Variants in POLD3 observed in about 807,000 individuals in gnomAD.
POLD3 encodes the protein DNA polymerase delta subunit 3.
POLD3 carries 19 observed loss-of-function variants against 58.2 expected under a neutral mutation model. The observed-to-expected ratio is 0.33, with a 90% CI of 0.23 to 0.48. The LOEUF is 0.48. Ranked by LOEUF, POLD3 falls within the 20% of genes least tolerant of loss-of-function variation. The pLI, the probability that POLD3 is intolerant of heterozygous loss-of-function variation, is 0.99. For missense variants in POLD3, 504 were observed against 545.5 expected (o/e 0.92, Z 0.76); for synonymous variants, 172 against 193.5 (o/e 0.89, Z 0.92).
At chr11:74,637,405 TTGAA>T (rs947516502) in intron 11 of POLD3, among the ~76,000 whole-genome samples, 3 of 149,944 alleles carry the variant, frequency 2.0e-5, no homozygotes, top group Non-Finnish European at 4.4e-5. Flanking sequence ...ATTCTGGACT[TTGAA>T]TGGGTTTTTT....
chr11:74,666,288 C>G (rs1432215375), intron 4 of POLD3, among the ~76,000 whole-genome samples: 1 of 152,162 alleles, frequency 6.6e-6, no homozygotes. Flanking sequence ...GATGCCTTTC[C>G]CATCTTGTTT....
At chr11:74,623,395 A>G (rs2032326861) in intron 7 of POLD3, among the ~76,000 whole-genome samples, 1 of 152,206 alleles carries the variant, frequency 6.6e-6, no homozygotes, top group Non-Finnish European at 1.5e-5. Context: ...AGATCACGCC[A>G]CCGCGCTCCA....
intron 8 of POLD3, among the ~76,000 whole-genome samples, chr11:74,626,315 G>A (rs541033304): frequency 6.6e-6 from 1 of 152,182 alleles, no homozygotes; most frequent in East Asian, 1.9e-4. Context: ...ACTCACTGTT[G>A]ATACTTATTG....
At chr11:74,613,517 G>C (rs1362981724) in intron 5 of POLD3, among the ~76,000 whole-genome samples, 1 of 152,030 alleles carries the variant, frequency 6.6e-6, no homozygotes, top group Non-Finnish European at 1.5e-5. Flanking sequence ...GTGGTCACAG[G>C]CTTGATTTGT....
intron 5 of POLD3, among the ~76,000 whole-genome samples, chr11:74,617,851 CAG>C (rs2135147437): frequency 6.6e-6 from 1 of 152,228 alleles, no homozygotes; most frequent in South Asian, 2.1e-4. Context: ...CCTGAGTAAT[CAG>C]GGCTATAGGC....
intron 4 of POLD3, among the ~76,000 whole-genome samples, chr11:74,649,686 A>G (rs769002965): frequency 2.0e-5 from 3 of 152,082 alleles, no homozygotes; most frequent in Non-Finnish European, 4.4e-5. Context: ...CAGCCTGTAC[A>G]CTTTAGAAGC....
chr11:74,592,694 G>A lies in POLD3; in HGVS notation c.36G>A (p.Glu12=). 6.2e-7 allele frequency: 1 copy of A among 1,614,072 alleles called. No individual in the cohort carries two copies. Residue 12 remains glutamate, a synonymous_variant, in exon 1 of 12, where the codon GAG becomes GAA. Transcript: ENST00000263681. ...AGCTTTATCTGGAAAATATAGACGA[G>A]TTCGTCACGGACCAAAACAAGATCG... ...ADQLYLENID[E]FVTDQNKIVT... is the part of the protein sequence containing the mutation.
Position 74,641,592 on chromosome 11 carries a change from C to G in POLD3, c.*826C>G. 1 of 985,402 alleles carries G rather than the reference C, an allele frequency of 1.0e-6. No individual in the cohort carries two copies. Among genetic ancestry groups the G allele is most frequent in the Non-Finnish European group, 1.2e-6 (1 of 829,934 alleles). The allele number at this position is 985,402 out of a possible 1,614,324, so 61.0% of individuals were successfully genotyped here. A position where few individuals can be genotyped will look rare whatever the true frequency, so the allele number is the denominator to read the frequency against. ...CTCTTTGCGGTTTGTTGATCCCCTC[C>G]TCCCCCACTCTCAATACCTAGAGAG... On this transcript the variant is annotated 3_prime_UTR_variant, in exon 12 of 12. Coordinates refer to ENST00000263681, the MANE Select transcript of POLD3 (RefSeq NM_006591.3).
intron 5 of POLD3, among the ~76,000 whole-genome samples, chr11:74,613,900 A>G (rs879322712): frequency 1.3e-5 from 2 of 152,164 alleles, no homozygotes; most frequent in Admixed American, 1.3e-4. Flanking sequence ...TTTTGGATGG[A>G]TAGAGTGAGG....
downstream of POLD3, among the ~76,000 whole-genome samples, chr11:74,645,969 C>T (rs947975153): frequency 7.3e-5 from 11 of 151,084 alleles, 1 homozygote; most frequent in Admixed American, 2.0e-4. Flanking sequence ...GACAGAGTCT[C>T]GCTCTGTCAC....
chr11:74,604,027 T>C (rs1003898984), intron 2 of POLD3, among the ~76,000 whole-genome samples: 8 of 152,202 alleles, frequency 5.3e-5, no homozygotes, highest in African/African-American at 9.7e-5. Context: ...TACTGGGCAA[T>C]GTGAGTAAGC....
intron 7 of POLD3, among the ~76,000 whole-genome samples, chr11:74,621,589 T>C (rs868773743): frequency 6.6e-6 from 1 of 152,112 alleles, no homozygotes; most frequent in Admixed American, 6.5e-5. Context: ...AAATCATGTG[T>C]TTAGTTAGCA....
At chr11:74,594,002 ACTGATGTGCACTCTGGAGT>A (rs2135106832) in intron 1 of POLD3, 40 bp from the exon 2 acceptor site, 1 of 857,042 alleles carries the variant, frequency 1.2e-6, no homozygotes, top group South Asian at 1.4e-5. Flanking sequence ...GACCTTCGGG[ACTGATGTGCACTCTGGAGT>A]CATCTAATAA....
chr11:74,663,463 T>G (rs2033229314), intron 4 of POLD3, among the ~76,000 whole-genome samples: 1 of 152,224 alleles, frequency 6.6e-6, no homozygotes, highest in African/African-American at 2.4e-5. Context: ...ACATTTGATT[T>G]CTAGACTTAC....
intron 7 of POLD3, among the ~76,000 whole-genome samples, chr11:74,621,141 G>T (rs1038175069): frequency 6.6e-6 from 1 of 152,134 alleles, no homozygotes; most frequent in East Asian, 1.9e-4. Context: ...GTTAAAACAG[G>T]TCTCCAACCC....
chr11:74,625,753 C>CCTA (rs1219927659), intron 8 of POLD3, among the ~76,000 whole-genome samples, 180 bp downstream of exon 8: 1 of 151,920 alleles, frequency 6.6e-6, no homozygotes, highest in Non-Finnish European at 1.5e-5. Context: ...TGGAGTAGGA[C>CCTA]CGTAGGATCA....
chr11:74,639,924 A>G (rs982922718), intron 11 of POLD3, among the ~76,000 whole-genome samples: 2 of 152,232 alleles, frequency 1.3e-5, no homozygotes, highest in African/African-American at 4.8e-5. Context: ...CCTTCATGAT[A>G]CAGACTACTA....
intron 5 of POLD3, among the ~76,000 whole-genome samples, chr11:74,614,725 C>T (rs1417076539): frequency 1.3e-5 from 2 of 148,210 alleles, no homozygotes; most frequent in East Asian, 3.9e-4. Flanking sequence ...AAAAAAACCT[C>T]GATGTATGGT....
Position 74,634,615 on chromosome 11 carries a change from G to A in POLD3, c.1039G>A (p.Glu347Lys), listed in dbSNP as rs1363103639. 6.2e-7 allele frequency: 1 copy of A among 1,612,176 alleles called. No individual in the cohort carries two copies. The highest frequency in any genetic ancestry group is 1.1e-5 in the South Asian group (1 of 91,022). The change falls in exon 10 of 12, where the codon GAG (glutamate) becomes AAG (lysine). Residue 347 changes from glutamate (E) to lysine (K), a missense_variant. Transcript: ENST00000263681. The part of the protein sequence containing the change: ...FPDSPGAYEA[E>K]SPSPPPPPSP... ...AGACTCTCCTGGGGCTTATGAAGCT[G>A]AGTCACCATCCCCACCTCCTCCTCC...
Sources: allele counts gnomAD v4.1 joint callset (sites outside exome capture counted in the v4.1 genomes callset), GRCh38; gene constraint gnomAD v4.1.1; transcripts MANE v1.5; gene names NCBI Gene and HGNC (gene_info 2026-07-23, HGNC 2026-07-21).